IQANK1: variants seen among roughly 807,000 people sequenced by gnomAD.
The protein encoded by IQANK1 is IQ motif and ankyrin repeat containing 1, also known as IQ motif and ankyrin repeat domain-containing protein 1.
Under a neutral mutation model 22.6 loss-of-function variants are expected in IQANK1, and 30 were observed. The ratio of observed to expected loss-of-function variants is 1.33; its 90% CI spans 0.99 to 1.80. The LOEUF (loss-of-function observed/expected upper bound fraction) is 1.80. IQANK1 is among the 40% of genes most tolerant of loss of function. The probability of loss-of-function intolerance (pLI) is 0.00; values close to 1 mark genes in which losing one functional copy is unlikely to be tolerated. For missense variants in IQANK1, 275 were observed against 235.2 expected, an observed-to-expected ratio of 1.17 and a Z score of -1.11; for synonymous variants, 122 against 99.6, an observed-to-expected ratio of 1.23 and a Z score of -1.34.
chr8:143,742,611 C>T (rs1554626721), intron 3 of IQANK1: 4 of 455,978 alleles, frequency 8.8e-6, no homozygotes, highest in Non-Finnish European at 1.8e-5. Context: ...GGGAAGGCAG[C>T]ATTCCAGGAG....
intron 3 of IQANK1, among the ~76,000 whole-genome samples, chr8:143,764,853 T>C (rs1342925388): frequency 6.6e-6 from 1 of 152,094 alleles, no homozygotes; most frequent in East Asian, 1.9e-4. Flanking sequence ...CATAAAAATC[T>C]CTTAAAAATT....
chr8:143,734,897 C>T (rs1218889647), intron 1 of IQANK1, among the ~76,000 whole-genome samples: 1 of 151,660 alleles, frequency 6.6e-6, no homozygotes, highest in Non-Finnish European at 1.5e-5. Context: ...CCCCCAGGTC[C>T]CCCTCAGGCC....
chr8:143,781,727 A>G (rs907646230), intron 7 of IQANK1, among the ~76,000 whole-genome samples: 5 of 152,150 alleles, frequency 3.3e-5, no homozygotes, highest in African/African-American at 1.2e-4. Context: ...ACCCTGTAGT[A>G]TAGTTTGAAG....
chr8:143,749,735 G>T lies in IQANK1; in HGVS notation c.175+9787G>T, dbSNP rs1030420219. ...CTGCCACCATGCCTGGCTAATTTTT[G>T]TGTTTTTTGTGGAGATGGTGTTTCG... On this transcript the variant is annotated intron_variant, in intron 3 of 13. Coordinates refer to ENST00000527139, the MANE Select transcript of IQANK1 (RefSeq NM_001381874.1). Among the ~76,000 whole-genome samples the T allele has an allele frequency of 7.4e-5, 11 of 149,162 alleles. No individual in the cohort carries two copies. In the East Asian group the frequency reaches 2.2e-3, roughly 29 times the overall value.
chr8:143,738,692 C>CCCCCCG (rs541238868), intron 2 of IQANK1, among the ~76,000 whole-genome samples: 4 of 152,154 alleles, frequency 2.6e-5, no homozygotes, highest in African/African-American at 9.7e-5. Flanking sequence ...GGCACCAATG[C>CCCCCCG]CCCCCGCCCC....
chr8:143,769,389 G>T (rs1373800309), intron 3 of IQANK1, among the ~76,000 whole-genome samples: 1 of 151,866 alleles, frequency 6.6e-6, no homozygotes, highest in African/African-American at 2.4e-5. Flanking sequence ...GAGAGACAGG[G>T]TCTCACCACG....
chr8:143,775,375 C>T (rs782460270), intron 7 of IQANK1, among the ~76,000 whole-genome samples: 2 of 150,788 alleles, frequency 1.3e-5, no homozygotes, highest in African/African-American at 2.4e-5. Flanking sequence ...CACACACACA[C>T]GAAAAATGAC....
intron 2 of IQANK1, 133 bp from the exon 3 acceptor site, chr8:143,739,726 G>T (rs782273146): frequency 6.9e-6 from 4 of 576,286 alleles, no homozygotes; most frequent in Non-Finnish European, 1.2e-5. Flanking sequence ...TGCTTCCCTC[G>T]GGAGGAGGCC....
chr8:143,788,794 C>T (rs1819946217), intron 7 of IQANK1, 121 bp from the exon 8 acceptor site: 4 of 397,592 alleles, frequency 1.0e-5, no homozygotes. Context: ...CAGCTGTGAG[C>T]ACTGAGGCCC....
intron 7 of IQANK1, among the ~76,000 whole-genome samples, chr8:143,775,490 G>A (rs1554630273): frequency 1.3e-5 from 2 of 152,076 alleles, no homozygotes; most frequent in African/African-American, 4.8e-5. Flanking sequence ...GCCGGGCGGG[G>A]TGGCTCACAC....
At chr8:143,777,537 A>AAC (rs1819712348) in intron 7 of IQANK1, among the ~76,000 whole-genome samples, 1 of 150,388 alleles carries the variant, frequency 6.6e-6, no homozygotes, top group African/African-American at 2.5e-5. Flanking sequence ...AAAAAAAAAA[A>AAC]AACAAACCAC....
chr8:143,785,533 G>A lies in IQANK1; in HGVS notation c.790-3382G>A, dbSNP rs555309367. Among the ~76,000 whole-genome samples, 9 of 151,236 alleles carry A rather than the reference G, an allele frequency of 6.0e-5. No individual in the cohort carries two copies. The South Asian group carries it at 1.3e-3, about 21-fold the overall frequency. On this transcript the variant is annotated intron_variant, in intron 7 of 13. Coordinates refer to ENST00000527139, the MANE Select transcript of IQANK1 (RefSeq NM_001381874.1). ...AGCTTCCCAAAGTGCTGAGATTATA[G>A]GCGTGAGCTACCAGACCCAGCCTTT...
intron 3 of IQANK1, among the ~76,000 whole-genome samples, chr8:143,755,819 C>G (rs781929450): frequency 2.6e-5 from 4 of 152,154 alleles, no homozygotes; most frequent in Non-Finnish European, 5.9e-5. Context: ...GGTGGCTGAG[C>G]CCCTGGAAGT....
chr8:143,788,009 G>A (rs546868422), intron 7 of IQANK1, among the ~76,000 whole-genome samples: 15 of 152,184 alleles, frequency 9.9e-5, no homozygotes, highest in Middle Eastern at 3.4e-3. Flanking sequence ...CTCGGGCCCC[G>A]ACTGTTTCGC....
intron 7 of IQANK1, among the ~76,000 whole-genome samples, chr8:143,786,778 G>A (rs1381015394): frequency 6.6e-6 from 1 of 152,206 alleles, no homozygotes; most frequent in African/African-American, 2.4e-5. Flanking sequence ...TGCTGAGAAG[G>A]TGGCATACAA....
chr8:143,742,030 G>A (rs554089390), intron 3 of IQANK1: 9 of 278,514 alleles, frequency 3.2e-5, no homozygotes, highest in African/African-American at 1.3e-4. Flanking sequence ...TGGTGCAGTC[G>A]TGATGTCCAC....
intron 3 of IQANK1, among the ~76,000 whole-genome samples, chr8:143,751,908 GATA>G (rs1819202797): frequency 8.5e-6 from 1 of 117,258 alleles, no homozygotes; most frequent in Non-Finnish European, 1.7e-5. Context: ...AGTTTTGCTG[GATA>G]TAGGATTCTT....
intron 3 of IQANK1, chr8:143,742,025 C>G (rs1438775991): frequency 1.1e-5 from 3 of 271,112 alleles, no homozygotes; most frequent in Non-Finnish European, 2.2e-5. Context: ...GTCCATGGTG[C>G]AGTCGTGATG....
chr8:143,749,606 T>A (rs1482500678), intron 3 of IQANK1, among the ~76,000 whole-genome samples: 5 of 145,446 alleles, frequency 3.4e-5, no homozygotes, highest in Non-Finnish European at 7.5e-5. Flanking sequence ...TTTATTTTTT[T>A]TTTTTTTGAG....
Sources: allele counts gnomAD v4.1 joint callset (sites outside exome capture counted in the v4.1 genomes callset), GRCh38; gene constraint gnomAD v4.1.1; transcripts MANE v1.5; gene names NCBI Gene and HGNC (gene_info 2026-07-23, HGNC 2026-07-21).